MGAM: variants seen among roughly 807,000 people sequenced by gnomAD.
The protein encoded by MGAM is maltase-glucoamylase.
MGAM carries 253 observed loss-of-function variants against 358.8 expected under a neutral mutation model. The observed-to-expected ratio is 0.71, with a 90% CI of 0.64 to 0.78. MGAM has a LOEUF of 0.78. MGAM is among the 30% of genes least tolerant of loss of function. MGAM has a pLI of 0.00. For synonymous variants in MGAM, 1,105 were observed against 1,227.1 expected, an observed-to-expected ratio of 0.90 and a Z score of 2.08; for missense variants, 3,080 against 3,432.6, an observed-to-expected ratio of 0.90 and a Z score of 2.57.
In MGAM at chr7:142,080,857, A is replaced by G. The variant is rs1439285194; in HGVS notation, c.5914A>G (p.Ser1972Gly). ...TCTGAACATACCCAGCGTGCCATCC[A>G]GCACCCCTGAGGGTCAACTCTATGA... is the stretch of plus-strand genomic sequence containing the variant. ...VPLNIPSVPSSTPEGQLYDVL... is the reference protein window; with the variant it reads ...VPLNIPSVPSGTPEGQLYDVL... The change falls in exon 50 of 71, where the codon AGC becomes GGC. Residue 1972 changes from serine to glycine, a missense_variant. Coordinates refer to ENST00000475668, the MANE Select transcript of MGAM (RefSeq NM_001365693.1). The G allele has an allele frequency of 1.3e-6, 2 of 1,556,508 alleles. 1 individual carries two copies. The highest frequency in any genetic ancestry group is 3.4e-5 in the Admixed American group (2 of 58,592).
At chr7:142,068,598 G>C (rs1228490665) in intron 42 of MGAM, 49 bp from the exon 43 acceptor site, 1 of 1,365,366 alleles carries the variant, frequency 7.3e-7, no homozygotes, top group Admixed American at 1.7e-5. Context: ...TGGTTACTCT[G>C]TCCTGGAAAA....
chr7:142,063,813 C>A (rs1293600533), intron 36 of MGAM, among the ~76,000 whole-genome samples: 3 of 152,208 alleles, frequency 2.0e-5, no homozygotes, highest in Non-Finnish European at 4.4e-5. Context: ...AAGCACTTAG[C>A]AGAGCTCATG....
chr7:142,056,695 G>C (rs757565920), intron 29 of MGAM, 135 bp from the exon 30 acceptor site: 2 of 774,062 alleles, frequency 2.6e-6, no homozygotes, highest in African/African-American at 3.5e-5. Flanking sequence ...TCAGTTCTGT[G>C]AGTATGATAG....
intron 2 of MGAM, among the ~76,000 whole-genome samples, chr7:141,987,158 G>A (rs1183125796): frequency 6.6e-6 from 1 of 152,152 alleles, no homozygotes; most frequent in African/African-American, 2.4e-5. Context: ...TAGTGGTGGT[G>A]GTAGTCATAG....
chr7:142,036,354 T>C (rs925878836), intron 17 of MGAM, 69 bp downstream of exon 17: 4 of 1,237,428 alleles, frequency 3.2e-6, no homozygotes, highest in Non-Finnish European at 4.6e-6. Context: ...TCTGCATCCT[T>C]GCCAAGAGAT....
chr7:142,086,092 G>T, intron 55 of MGAM, 126 bp from the exon 56 acceptor site: 1 of 1,448,842 alleles, frequency 6.9e-7, no homozygotes, highest in Non-Finnish European at 9.4e-7. Flanking sequence ...TATTTCCCTG[G>T]ACTCACAGAA....
At chr7:142,053,084 T>C (rs1811172647) in intron 26 of MGAM, 100 bp downstream of exon 26, 1 of 1,253,110 alleles carries the variant, frequency 8.0e-7, no homozygotes, top group Non-Finnish European at 1.1e-6. Context: ...TTAATCATGC[T>C]ACAACAGACT....
At chr7:142,044,222 C>T (rs1247035023) in intron 21 of MGAM, among the ~76,000 whole-genome samples, 1 of 72,494 alleles carries the variant, frequency 1.4e-5, no homozygotes, top group Non-Finnish European at 3.8e-5. Context: ...TATACACATA[C>T]GACATATAAT....
chr7:142,010,222 A>T (rs1339439336), intron 3 of MGAM, among the ~76,000 whole-genome samples: 1 of 152,058 alleles, frequency 6.6e-6, no homozygotes, highest in African/African-American at 2.4e-5. Flanking sequence ...AGTCCCCTTC[A>T]TGGATCTTAG....
At position 142,082,201 on chromosome 7, in the gene MGAM, G is replaced by A. The variant is rs774012448; in HGVS notation, c.6162G>A (p.Gln2054=). ...WHTWGMFSRD[Q]PPGYKKNSYG... is the part of the protein sequence containing the mutation. ...CTTGGGGGATGTTCTCCCGAGACCA[G>A]CCCCCAGGGGTAAGGACAGAGCATT... Residue 2054 remains glutamine, a synonymous_variant, in exon 51 of 71, where the codon CAG becomes CAA. Coordinates refer to ENST00000475668, the MANE Select transcript of MGAM (RefSeq NM_001365693.1). The A allele has an allele frequency of 4.5e-6, 7 of 1,554,174 alleles. No individual in the cohort carries two copies. In the African/African-American group the frequency reaches 9.4e-5, roughly 21 times the overall value.
At chr7:141,988,048 G>A (rs1803784318) in intron 2 of MGAM, among the ~76,000 whole-genome samples, 1 of 152,146 alleles carries the variant, frequency 6.6e-6, no homozygotes, top group South Asian at 2.1e-4. Context: ...AGCACTTTGG[G>A]AGGCCAAGGT....
At chr7:142,053,018 AC>A in intron 26 of MGAM, 34 bp downstream of exon 26, 1 of 1,603,312 alleles carries the variant, frequency 6.2e-7, no homozygotes, top group Non-Finnish European at 8.5e-7. Flanking sequence ...TAGTGATTAG[AC>A]CCTTTTCAGT....
At chr7:142,023,742 C>T (rs1806690030) in intron 7 of MGAM, among the ~76,000 whole-genome samples, 1 of 151,962 alleles carries the variant, frequency 6.6e-6, no homozygotes, top group Non-Finnish European at 1.5e-5. Context: ...ATTTTTAAGC[C>T]CAGGCTCTGT....
chr7:142,049,811 G>T (rs1294168017), intron 22 of MGAM, among the ~76,000 whole-genome samples: 1 of 152,196 alleles, frequency 6.6e-6, no homozygotes, highest in East Asian at 1.9e-4. Flanking sequence ...TGCTGGCGAG[G>T]ATGTGGAGAA....
upstream of MGAM, among the ~76,000 whole-genome samples, chr7:141,991,680 C>G (rs1554447355): frequency 1.3e-5 from 2 of 152,168 alleles, no homozygotes; most frequent in African/African-American, 4.8e-5. Flanking sequence ...CATGATCCGC[C>G]TGCCTCAGCC....
chr7:142,046,057 G>GTAATATAATATTATATTACATATAATATA (rs1563160309), intron 21 of MGAM, among the ~76,000 whole-genome samples: 1 of 83,096 alleles, frequency 1.2e-5, no homozygotes, highest in African/African-American at 4.1e-5. Context: ...CATACAATAT[G>GTAATATAATATTATATTACATATAATATA]TAATATAATA....
chr7:142,092,491 G>T lies in MGAM; in HGVS notation c.6946-30G>T, dbSNP rs762772195. On this transcript the variant is annotated intron_variant, in intron 58 of 70. Coordinates refer to ENST00000475668, the MANE Select transcript of MGAM (RefSeq NM_001365693.1). ...TGGCAGGACGTAATTATCTTAAAAA[G>T]TGAGGTATGTCTGTGTTTGGCATTT... The T allele has an allele frequency of 1.7e-5, 25 of 1,501,520 alleles. 5 individuals are homozygous for T. The highest frequency in any genetic ancestry group is 2.0e-5 in the Non-Finnish European group (22 of 1,093,238). The allele number at this position is 1,501,520 out of a possible 1,614,324, so 93.0% of individuals were successfully genotyped here.
rs1554461237 is a variant in MGAM, at chr7:142,027,171, G to A, written c.1039G>A (p.Asp347Asn). 2 of 1,613,662 alleles carry A rather than the reference G, an allele frequency of 1.2e-6. No individual in the cohort carries two copies. The highest frequency in any genetic ancestry group is 1.1e-5 in the South Asian group (1 of 91,050). Residue 347 changes from aspartate (D) to asparagine (N), a missense_variant, in exon 9 of 71, where the codon GAC becomes AAC. This residue lies in a region of MGAM where 1,816 missense variants were observed against 1,840.5 expected (regional missense o/e 0.99). Coordinates refer to ENST00000475668, the MANE Select transcript of MGAM (RefSeq NM_001365693.1). ...ITYRTIGGIL[D>N]FYVFLGNTPE... Reference sequence around the variant, plus strand: ...TTACCGCACCATTGGGGGCATTCTCGACTTCTATGTGTTCTTGGGAAACAC... The same window carrying A: ...TTACCGCACCATTGGGGGCATTCTCAACTTCTATGTGTTCTTGGGAAACAC...
chr7:142,079,980 T>C lies in MGAM; in HGVS notation c.5848-811T>C, dbSNP rs1372156804. ...CATTGACTACTCTACCTCTTGACCA[T>C]ACAGTAGCTCTTTCCAAAATATTTG... On this transcript the variant is annotated intron_variant, in intron 49 of 70. Coordinates refer to ENST00000475668, the MANE Select transcript of MGAM (RefSeq NM_001365693.1). Among the ~76,000 whole-genome samples the C allele has an allele frequency of 2.7e-5, 4 of 146,568 alleles. 1 individual carries two copies. Among genetic ancestry groups the C allele is most frequent in the East Asian group, 2.0e-4 (1 of 4,972 alleles).
Sources: allele counts gnomAD v4.1 joint callset (sites outside exome capture counted in the v4.1 genomes callset), GRCh38; gene constraint gnomAD v4.1.1; regional missense constraint gnomAD v4.1.1; transcripts MANE v1.5; gene names NCBI Gene and HGNC (gene_info 2026-07-23, HGNC 2026-07-21).